Variants in SLC25A17 observed in about 807,000 individuals in gnomAD.
SLC25A17 encodes the protein peroxisomal membrane protein PMP34.
Under a neutral mutation model 38.5 loss-of-function variants are expected in SLC25A17, and 26 were observed. The observed-to-expected ratio is 0.68, with a 90% confidence interval of 0.50 to 0.94. The LOEUF is 0.94. Among genes scored for constraint, SLC25A17 ranks in the 40% least tolerant of loss-of-function variants. SLC25A17 has a pLI of 0.00. For synonymous variants in SLC25A17, 139 were observed against 136.2 expected (o/e 1.02, Z -0.14); for missense variants, 333 against 372.7 (o/e 0.89, Z 0.88).
chr22:40,809,117 T>C (rs78380619), intron 1 of SLC25A17, among the ~76,000 whole-genome samples: 1 of 152,056 alleles, frequency 6.6e-6, no homozygotes, highest in East Asian at 1.9e-4. Flanking sequence ...TTTTTTTTTT[T>C]GTAGAGGCGA....
At chr22:40,800,846 T>C (rs1435137775) in intron 1 of SLC25A17, among the ~76,000 whole-genome samples, 3 of 148,318 alleles carry the variant, frequency 2.0e-5, no homozygotes, top group Non-Finnish European at 3.0e-5. Flanking sequence ...ACGCCTGTAA[T>C]CAATTCCAGC....
At chr22:40,775,297 T>C (rs977638996) in intron 7 of SLC25A17, among the ~76,000 whole-genome samples, 1 of 152,164 alleles carries the variant, frequency 6.6e-6, no homozygotes, top group Non-Finnish European at 1.5e-5. Flanking sequence ...GGTTTGGCTG[T>C]GTCCCCATCC....
At chr22:40,788,729 C>T (rs2057359821) in intron 4 of SLC25A17, 2 of 233,160 alleles carry the variant, frequency 8.6e-6, no homozygotes, top group South Asian at 1.4e-4. Context: ...CAAAACAAAA[C>T]ACTGAAATAC....
At chr22:40,773,462 A>AGG (rs1359872332) in intron 8 of SLC25A17, among the ~76,000 whole-genome samples, 1 of 150,606 alleles carries the variant, frequency 6.6e-6, no homozygotes, top group Non-Finnish European at 1.5e-5. Flanking sequence ...TGTAGCCTCT[A>AGG]GGTCAGTGTC....
intron 1 of SLC25A17, among the ~76,000 whole-genome samples, chr22:40,811,911 C>T (rs1051730644): frequency 6.6e-6 from 1 of 151,864 alleles, no homozygotes; most frequent in African/African-American, 2.4e-5. Context: ...AGGGGTCAAA[C>T]ATCCAAACTG....
At position 40,795,103 on chromosome 22, in the gene SLC25A17, A is replaced by G. The variant is rs574732938; in HGVS notation, c.116-523T>C. Among the ~76,000 whole-genome samples the G allele has an allele frequency of 3.3e-5, 5 of 152,052 alleles. No homozygotes were observed. The South Asian group carries it at 8.3e-4, about 25-fold the overall frequency. ...GAGGATTATAATTGTTAACATCAGC[A>G]AGTTTCACTGAAATGCCATTTACCT... On this transcript the variant is annotated intron_variant, in intron 2 of 8. Coordinates refer to ENST00000435456, the MANE Select transcript of SLC25A17 (RefSeq NM_006358.4).
At chr22:40,807,673 C>T (rs1272812294) in intron 1 of SLC25A17, among the ~76,000 whole-genome samples, 4 of 152,038 alleles carry the variant, frequency 2.6e-5, no homozygotes, top group African/African-American at 4.8e-5. Context: ...AGCATGAACC[C>T]GGGAGGCGGA....
intron 3 of SLC25A17, among the ~76,000 whole-genome samples, chr22:40,793,896 G>A (rs969219987): frequency 7.9e-5 from 12 of 152,244 alleles, no homozygotes; most frequent in African/African-American, 2.6e-4. Context: ...CAGGCGGACT[G>A]TATTGTTTAA....
At chr22:40,810,557 G>C (rs1366927890) in intron 1 of SLC25A17, among the ~76,000 whole-genome samples, 2 of 151,984 alleles carry the variant, frequency 1.3e-5, no homozygotes, top group Non-Finnish European at 2.9e-5. Context: ...ATGTTGGTCA[G>C]GCTAGCCTCA....
chr22:40,809,838 A>G (rs1356838657), intron 1 of SLC25A17, among the ~76,000 whole-genome samples: 1 of 152,184 alleles, frequency 6.6e-6, no homozygotes, highest in Non-Finnish European at 1.5e-5. Context: ...TCATTATTAT[A>G]TACTATCATC....
chr22:40,809,509 G>C (rs973509982), intron 1 of SLC25A17, among the ~76,000 whole-genome samples: 1 of 151,812 alleles, frequency 6.6e-6, no homozygotes, highest in Non-Finnish European at 1.5e-5. Context: ...GTGCACGCCT[G>C]TAATCCCAGC....
Position 40,770,925 on chromosome 22 carries a change from A to G in SLC25A17, c.833T>C (p.Val278Ala). ...KGLEAKLLQT[V>A]LTAALMFLVY... ...AAGGAACATGAGAGCAGCAGTGAGGACTGTCTGCAGCAGTTTGGCTTCAAG... is the reference window on the plus strand; with the variant it reads ...AAGGAACATGAGAGCAGCAGTGAGGGCTGTCTGCAGCAGTTTGGCTTCAAG... The change falls in exon 9 of 9, where the codon GTC (valine) becomes GCC (alanine). Residue 278 changes from valine (V) to alanine (A), a missense_variant. Physicochemically the swap from Val to Ala is moderately conservative, Grantham distance 64. Coordinates refer to ENST00000435456, the MANE Select transcript of SLC25A17 (RefSeq NM_006358.4). The G allele has an allele frequency of 6.2e-7, 1 of 1,613,050 alleles. No individual in the cohort carries two copies. The highest frequency in any genetic ancestry group is 8.5e-7 in the Non-Finnish European group (1 of 1,179,170).
intron 4 of SLC25A17, among the ~76,000 whole-genome samples, chr22:40,783,281 G>A (rs962235829): frequency 6.6e-6 from 1 of 152,136 alleles, no homozygotes; most frequent in Non-Finnish European, 1.5e-5. Flanking sequence ...TGTTGTGTGT[G>A]TATGTGGGCT....
intron 1 of SLC25A17, among the ~76,000 whole-genome samples, chr22:40,818,479 C>A (rs566310493): frequency 2.0e-5 from 3 of 152,148 alleles, no homozygotes; most frequent in Non-Finnish European, 2.9e-5. Context: ...GACGCCAAAT[C>A]GAGAGGATCG....
intron 1 of SLC25A17, among the ~76,000 whole-genome samples, chr22:40,816,083 A>G (rs1472743882): frequency 6.6e-6 from 1 of 151,934 alleles, no homozygotes; most frequent in Non-Finnish European, 1.5e-5. Flanking sequence ...CCACTCGGCG[A>G]GAGGCTGAGG....
intron 4 of SLC25A17, among the ~76,000 whole-genome samples, chr22:40,785,217 C>T (rs1455486609): frequency 6.6e-6 from 1 of 152,224 alleles, no homozygotes; most frequent in Non-Finnish European, 1.5e-5. Context: ...AACCCCGTCT[C>T]TACTAAAAAT....
chr22:40,803,826 T>G lies in SLC25A17; in HGVS notation c.55-4743A>C, dbSNP rs143166069. Among the ~76,000 whole-genome samples the G allele has an allele frequency of 5.8e-3, 876 of 151,986 alleles. 10 individuals carry two copies. Among genetic ancestry groups the G allele is most frequent in the African/African-American group, 0.02 (820 of 41,490 alleles). On this transcript the variant is annotated intron_variant, in intron 1 of 8. Coordinates refer to ENST00000435456, the MANE Select transcript of SLC25A17 (RefSeq NM_006358.4). ...CCAGCATTTGCTAGTTTTTGTTTTT[T>G]TTTTTTTTTTAATGGCTAAGTTGGA...
intron 1 of SLC25A17, among the ~76,000 whole-genome samples, chr22:40,816,580 A>AT (rs1435412719): frequency 2.7e-5 from 4 of 148,258 alleles, no homozygotes; most frequent in African/African-American, 9.9e-5. Context: ...TATTCTACTT[A>AT]TTTTTTATTT....
At chr22:40,815,012 G>A (rs2057625048) in intron 1 of SLC25A17, among the ~76,000 whole-genome samples, 1 of 151,772 alleles carries the variant, frequency 6.6e-6, no homozygotes, top group South Asian at 2.1e-4. Context: ...GTAGAGATGG[G>A]GTTTCACCGT....
Sources: gnomAD v4.1 joint callset for allele counts (sites outside exome capture counted in the v4.1 genomes callset) on GRCh38, gnomAD v4.1.1 for gene constraint, MANE v1.5 for transcripts, NCBI Gene and HGNC (gene_info 2026-07-23, HGNC 2026-07-21) for gene names.